OPRD1: variants seen among roughly 807,000 people sequenced by gnomAD.
OPRD1 encodes the protein delta-type opioid receptor.
A neutral mutation model predicts 17.5 loss-of-function variants in OPRD1; 19 were observed. That is an observed-to-expected ratio of 1.09 (90% CI 0.76 to 1.60). OPRD1 has a LOEUF of 1.60. OPRD1 is among the 40% of genes most tolerant of loss of function. The pLI, the probability that OPRD1 is intolerant of heterozygous loss-of-function variation, is 0.00. For synonymous variants in OPRD1, 256 were observed against 240.9 expected, an observed-to-expected ratio of 1.06 and a Z score of -0.58; for missense variants, 483 against 547.2, an observed-to-expected ratio of 0.88 and a Z score of 1.17.
At chr1:28,817,985 G>T (rs1017435707) in intron 1 of OPRD1, among the ~76,000 whole-genome samples, 4 of 152,146 alleles carry the variant, frequency 2.6e-5, no homozygotes, top group Admixed American at 6.5e-5. Context: ...CTCCCAAAGT[G>T]CTGGGATTAT....
At chr1:28,821,817 A>C (rs2088714564) in intron 1 of OPRD1, among the ~76,000 whole-genome samples, 1 of 151,962 alleles carries the variant, frequency 6.6e-6, no homozygotes, top group African/African-American at 2.4e-5. Context: ...TGGTGGGAGG[A>C]TCACTTGAGC....
At chr1:28,823,642 C>T (rs1467134176) in intron 1 of OPRD1, among the ~76,000 whole-genome samples, 1 of 151,944 alleles carries the variant, frequency 6.6e-6, no homozygotes, top group East Asian at 2.0e-4. Context: ...GATCCGCCTG[C>T]CTTGGTCTCC....
At chr1:28,837,205 C>T (rs1377023978) in intron 1 of OPRD1, among the ~76,000 whole-genome samples, 1 of 152,136 alleles carries the variant, frequency 6.6e-6, no homozygotes, top group Non-Finnish European at 1.5e-5. Context: ...GGTTCACGCT[C>T]CTATGAGAAT....
At chr1:28,860,656 G>A (rs1464254961) in intron 2 of OPRD1, among the ~76,000 whole-genome samples, 2 of 152,206 alleles carry the variant, frequency 1.3e-5, no homozygotes, top group African/African-American at 4.8e-5. Context: ...CCATTTGACT[G>A]TAGGGAAACA....
chr1:28,842,150 C>T (rs1002150962), intron 1 of OPRD1, among the ~76,000 whole-genome samples: 1 of 152,166 alleles, frequency 6.6e-6, no homozygotes, highest in Non-Finnish European at 1.5e-5. Flanking sequence ...CCACCTCAGC[C>T]TCCGGGGTAG....
intron 1 of OPRD1, among the ~76,000 whole-genome samples, chr1:28,829,830 C>T (rs990321822): frequency 1.1e-4 from 16 of 152,276 alleles, no homozygotes; most frequent in East Asian, 3.9e-4. Context: ...TTTCCTCAGC[C>T]TCCGAAGTAG....
chr1:28,863,133 G>T lies in OPRD1; in HGVS notation c.969G>T (p.Glu323Asp). 1 of 1,609,248 alleles carries T rather than the reference G, an allele frequency of 6.2e-7. No individual in the cohort carries two copies. ...LNPVLYAFLD[E>D]NFKRCFRQLC... Reference sequence around the variant, plus strand: ...CCGTGCTCTACGCTTTCCTCGACGAGAACTTCAAGCGCTGCTTCCGCCAGC... The same window carrying T: ...CCGTGCTCTACGCTTTCCTCGACGATAACTTCAAGCGCTGCTTCCGCCAGC... Residue 323 changes from glutamate (E) to aspartate (D), a missense_variant, in exon 3 of 3, where the codon GAG becomes GAT. Physicochemically the swap from Glu to Asp is conservative, Grantham distance 45. Transcript: ENST00000234961.
At chr1:28,849,382 G>A (rs933605051) in intron 1 of OPRD1, among the ~76,000 whole-genome samples, 1 of 152,192 alleles carries the variant, frequency 6.6e-6, no homozygotes, top group African/African-American at 2.4e-5. Flanking sequence ...GGCCAGAGAA[G>A]AGACCTACGG....
In OPRD1 at chr1:28,867,821, T is replaced by C. The variant is rs1008993340; in HGVS notation, c.*4538T>C. 1 of 152,292 alleles carries C rather than the reference T, an allele frequency of 6.6e-6. No homozygotes were observed. Among genetic ancestry groups the C allele is most frequent in the African/African-American group, 2.4e-5 (1 of 41,438 alleles). The allele number at this position is 152,292 out of a possible 1,614,324, so 9.4% of individuals were successfully genotyped here. ...ACGTAAGTAAACTCTAAGTACATGGTAAGTGGCAGTCACTGCTTACAAGTG... is the reference window on the plus strand; with the variant it reads ...ACGTAAGTAAACTCTAAGTACATGGCAAGTGGCAGTCACTGCTTACAAGTG... On this transcript the variant is annotated 3_prime_UTR_variant, in exon 3 of 3. Coordinates refer to ENST00000234961, the MANE Select transcript of OPRD1 (RefSeq NM_000911.4).
At chr1:28,826,007 G>A (rs1376695477) in intron 1 of OPRD1, among the ~76,000 whole-genome samples, 1 of 152,226 alleles carries the variant, frequency 6.6e-6, no homozygotes, top group Non-Finnish European at 1.5e-5. Context: ...CCCTCATGGA[G>A]CTGACAGTCT....
chr1:28,849,476 C>G (rs2088980167), intron 1 of OPRD1, among the ~76,000 whole-genome samples: 1 of 152,128 alleles, frequency 6.6e-6, no homozygotes, highest in African/African-American at 2.4e-5. Flanking sequence ...TTGACAGAGC[C>G]CTCACACTGA....
At chr1:28,849,644 G>A (rs1011669109) in intron 1 of OPRD1, among the ~76,000 whole-genome samples, 3 of 152,184 alleles carry the variant, frequency 2.0e-5, no homozygotes, top group Admixed American at 6.6e-5. Context: ...ATACTTGAAG[G>A]AATTCTCCAG....
Position 28,863,067 on chromosome 1 carries a change from C to T in OPRD1, c.903C>T (p.His301=), listed in dbSNP as rs1410618176. 1.2e-6 allele frequency: 2 copies of T among 1,606,824 alleles called. No homozygotes were observed. The highest frequency in any genetic ancestry group is 1.1e-5 in the South Asian group (1 of 90,340). ...ACCCGCTGGTGGTGGCTGCGCTGCA[C>T]CTGTGCATCGCGCTGGGCTACGCCA... is the stretch of plus-strand genomic sequence containing the variant. ...RRDPLVVAAL[H]LCIALGYANS... is the part of the protein sequence containing the mutation. Residue 301 remains histidine, a synonymous_variant, in exon 3 of 3, where the codon CAC becomes CAT. Transcript: ENST00000234961.
Position 28,862,912 on chromosome 1 carries a change from A to G in OPRD1, c.748A>G (p.Lys250Glu), listed in dbSNP as rs200295276. The change falls in exon 3 of 3, where the codon AAG becomes GAG. Residue 250 changes from lysine to glutamate, a missense_variant. Transcript: ENST00000234961. ...LRSVRLLSGS[K>E]EKDRSLRRIT... The stretch of plus-strand genomic sequence containing the variant: ...CAGTGTGCGCCTGCTGTCGGGCTCC[A>G]AGGAGAAGGACCGCAGCCTGCGGCG... 1.4e-5 allele frequency: 22 copies of G among 1,612,826 alleles called. No individual in the cohort carries two copies. The East Asian group carries it at 4.5e-4, about 33-fold the overall frequency.
intron 1 of OPRD1, among the ~76,000 whole-genome samples, chr1:28,822,698 C>T (rs892680300): frequency 1.3e-5 from 2 of 151,712 alleles, no homozygotes; most frequent in Non-Finnish European, 2.9e-5. Flanking sequence ...CCATGTTGGC[C>T]AGGTTGGTCT....
chr1:28,842,977 AG>A (rs2088907277), intron 1 of OPRD1, among the ~76,000 whole-genome samples: 1 of 151,332 alleles, frequency 6.6e-6, no homozygotes. Context: ...GAAAAAAAAA[AG>A]AAGAAGAAAA....
At chr1:28,816,144 C>G (rs749375397) in intron 1 of OPRD1, among the ~76,000 whole-genome samples, 5 of 152,134 alleles carry the variant, frequency 3.3e-5, no homozygotes, top group African/African-American at 4.8e-5. Context: ...TCTACATGCT[C>G]TGTGCTAAAT....
At chr1:28,830,141 G>A (rs750214204) in intron 1 of OPRD1, among the ~76,000 whole-genome samples, 8 of 152,150 alleles carry the variant, frequency 5.3e-5, no homozygotes, top group South Asian at 2.1e-4. Context: ...TCAGTGGAGC[G>A]GTCAGAACAT....
At chr1:28,833,713 G>A (rs2088826288) in intron 1 of OPRD1, among the ~76,000 whole-genome samples, 1 of 152,124 alleles carries the variant, frequency 6.6e-6, no homozygotes, top group Non-Finnish European at 1.5e-5. Context: ...AGACAGACCT[G>A]GGCTTGAGTC....
Sources: allele counts gnomAD v4.1 joint callset (sites outside exome capture counted in the v4.1 genomes callset), GRCh38; gene constraint gnomAD v4.1.1; transcripts MANE v1.5; gene names NCBI Gene and HGNC (gene_info 2026-07-23, HGNC 2026-07-21).